The following ABI3BP variants were observed in gnomAD, a reference collection of about 807,000 sequenced individuals.
ABI3BP encodes the protein target of Nesh-SH3.
In ABI3BP, 216 loss-of-function variants were observed where a neutral mutation model predicts 268.6. That is an observed-to-expected ratio of 0.80 (90% CI 0.72 to 0.90). The LOEUF (loss-of-function observed/expected upper bound fraction) is 0.90. Ranked by LOEUF, ABI3BP falls within the 40% of genes least tolerant of loss-of-function variation. The pLI is 0.00. For missense variants in ABI3BP, 2,090 were observed against 2,182.4 expected, an observed-to-expected ratio of 0.96 and a Z score of 0.84; for synonymous variants, 730 against 730.0, an observed-to-expected ratio of 1.00 and a Z score of 0.00.
At chr3:100,875,694 C>T (rs2099155213) in intron 7 of ABI3BP, 115 bp from the exon 8 acceptor site, 5 of 726,106 alleles carry the variant, frequency 6.9e-6, no homozygotes, top group Non-Finnish European at 7.2e-6. Flanking sequence ...TTAATTAATA[C>T]AAAGCAACTC....
At chr3:100,935,769 G>A (rs906957267) in intron 1 of ABI3BP, among the ~76,000 whole-genome samples, 1 of 151,968 alleles carries the variant, frequency 6.6e-6, no homozygotes, top group Admixed American at 6.6e-5. Context: ...TCATGATTTG[G>A]CTCTCTGTTT....
chr3:100,778,243 C>G (rs373125873), intron 59 of ABI3BP, 41 bp downstream of exon 59: 1 of 1,597,330 alleles, frequency 6.3e-7, no homozygotes, highest in Non-Finnish European at 8.6e-7. Context: ...CTAGTAAAAC[C>G]GAAATCATGG....
chr3:100,833,272 C>A, intron 29 of ABI3BP, 115 bp from the exon 30 acceptor site: 3 of 920,362 alleles, frequency 3.3e-6, no homozygotes, highest in South Asian at 1.7e-5. Flanking sequence ...GGTTCTATAG[C>A]CACAAAGCAA....
At chr3:100,967,397 G>A (rs189871752) in intron 1 of ABI3BP, among the ~76,000 whole-genome samples, 85 of 151,774 alleles carry the variant, frequency 5.6e-4, no homozygotes, top group African/African-American at 1.9e-3. Context: ...CCAGCTACTC[G>A]GGAGGCTGAG....
At chr3:100,783,518 A>G (rs1314451838) in intron 57 of ABI3BP, among the ~76,000 whole-genome samples, 3 of 152,206 alleles carry the variant, frequency 2.0e-5, no homozygotes, top group Non-Finnish European at 2.9e-5. Flanking sequence ...AGTCAGAGAG[A>G]TTGTCTAGCA....
intron 4 of ABI3BP, among the ~76,000 whole-genome samples, chr3:100,896,885 T>C (rs921500475): frequency 6.6e-6 from 1 of 152,240 alleles, no homozygotes; most frequent in Admixed American, 6.5e-5. Flanking sequence ...AAATATCTTC[T>C]ACATGTTTTT....
Position 100,752,815 on chromosome 3 carries a change from G to A in ABI3BP, c.5094C>T (p.Tyr1698=). Residue 1698 remains tyrosine (Y), a synonymous_variant, in exon 66 of 68, where the codon TAC becomes TAT. Transcript: ENST00000471714. ...TGAGGGAGTCGCTCAAGTAAATCTT[G>A]TATCTGAGAGAGTTGCACAGCTGCA... ...VGVQLCNSLR[Y]KIYLSDSLTG... 3 of 1,613,116 alleles carry A rather than the reference G, an allele frequency of 1.9e-6. No homozygotes were observed. The highest frequency in any genetic ancestry group is 1.7e-6 in the Non-Finnish European group (2 of 1,179,566).
chr3:100,831,432 G>C lies in ABI3BP; in HGVS notation c.2402-798C>G, dbSNP rs562364981. Among the ~76,000 whole-genome samples the C allele has an allele frequency of 5.9e-5, 9 of 152,232 alleles. 1 individual carries two copies. In the South Asian group the frequency reaches 1.9e-3, roughly 32 times the overall value. On this transcript the variant is annotated intron_variant, in intron 31 of 67. Coordinates refer to ENST00000471714, the MANE Select transcript of ABI3BP (RefSeq NM_001375547.2). ...GAGACTACACTCATTAAGAGACTAA[G>C]TCTTTAGTAAATACAGCTTTACTTA...
intron 20 of ABI3BP, chr3:100,843,614 A>C (rs1018535021): frequency 1.8e-5 from 18 of 983,336 alleles, no homozygotes; most frequent in Non-Finnish European, 2.1e-5. Flanking sequence ...GAGAGAGGAG[A>C]GTATGCATGT....
At chr3:100,764,901 C>A (rs1284795208) in intron 63 of ABI3BP, among the ~76,000 whole-genome samples, 1 of 152,020 alleles carries the variant, frequency 6.6e-6, no homozygotes, top group African/African-American at 2.4e-5. Flanking sequence ...TAAAGAAAAA[C>A]CCCATGCTTG....
intron 1 of ABI3BP, among the ~76,000 whole-genome samples, chr3:100,951,736 A>T (rs1425774056): frequency 2.0e-5 from 3 of 151,904 alleles, no homozygotes; most frequent in African/African-American, 7.3e-5. Context: ...GATGCCTATG[A>T]CTTTGCTTCA....
Position 100,973,843 on chromosome 3 carries a change from T to A in ABI3BP, c.79+19463A>T, listed in dbSNP as rs776894212. Among the ~76,000 whole-genome samples, 19 of 152,338 alleles carry A rather than the reference T, an allele frequency of 1.2e-4. No homozygotes were observed. In the South Asian group the frequency reaches 3.5e-3, roughly 28 times the overall value. On this transcript the variant is annotated intron_variant, in intron 1 of 67. Transcript: ENST00000471714. Reference sequence around the variant, plus strand: ...GAACAGGAGACAAGACTAAACTTTTTTGAAAGTTCCCTCTGTGCCAGGCAA... The same window carrying A: ...GAACAGGAGACAAGACTAAACTTTTATGAAAGTTCCCTCTGTGCCAGGCAA...
At chr3:100,979,721 G>C (rs1250428804) in intron 1 of ABI3BP, among the ~76,000 whole-genome samples, 1 of 152,100 alleles carries the variant, frequency 6.6e-6, no homozygotes, top group Admixed American at 6.5e-5. Context: ...TAATTTTCCG[G>C]CATAAGTGAA....
At position 100,812,506 on chromosome 3, in the gene ABI3BP, A is replaced by G; in HGVS notation, c.3382T>C (p.Ser1128Pro). ...GGTGACTCAGTACTAAGTGTAACCG[A>G]TTCCAGAACATCAGAAACTAGTAAA... ...ESQPVSDVLE[S>P]VTLSTESPKE... Residue 1128 changes from serine to proline, a missense_variant, in exon 46 of 68, where the codon TCG becomes CCG. Transcript: ENST00000471714. 7.5e-6 allele frequency: 10 copies of G among 1,331,652 alleles called. No individual in the cohort carries two copies. Among genetic ancestry groups the G allele is most frequent in the Non-Finnish European group, 7.7e-6 (8 of 1,041,518 alleles). The allele number at this position is 1,331,652 out of a possible 1,614,324, so 82.5% of individuals were successfully genotyped here.
At chr3:100,753,981 T>C (rs772811475) in intron 64 of ABI3BP, 133 bp from the exon 65 acceptor site, 2 of 942,898 alleles carry the variant, frequency 2.1e-6, no homozygotes, top group Admixed American at 2.2e-5. Context: ...TTGCTAAGGA[T>C]TGAATTTGAA....
intron 67 of ABI3BP, among the ~76,000 whole-genome samples, chr3:100,750,879 A>G (rs1319005): frequency 6.6e-6 from 1 of 152,118 alleles, no homozygotes; most frequent in Admixed American, 6.5e-5. Context: ...TATGTGTTCA[A>G]AGAACTTAGT....
chr3:100,823,116 A>T (rs944773963), intron 37 of ABI3BP, among the ~76,000 whole-genome samples: 2 of 152,198 alleles, frequency 1.3e-5, no homozygotes, highest in Non-Finnish European at 2.9e-5. Flanking sequence ...AAAAATTCAG[A>T]TGTACAATGG....
At chr3:100,858,854 C>G (rs1005562285) in intron 14 of ABI3BP, among the ~76,000 whole-genome samples, 1 of 152,154 alleles carries the variant, frequency 6.6e-6, no homozygotes, top group East Asian at 1.9e-4. Context: ...GAACATCACC[C>G]AGAGCACAAA....
At chr3:100,890,702 A>T (rs1441085106) in intron 4 of ABI3BP, among the ~76,000 whole-genome samples, 1 of 152,102 alleles carries the variant, frequency 6.6e-6, no homozygotes, top group Non-Finnish European at 1.5e-5. Flanking sequence ...CCTCTTTATT[A>T]TAGTAAAACC....
Sources: gnomAD v4.1 joint callset for allele counts (sites outside exome capture counted in the v4.1 genomes callset) on GRCh38, gnomAD v4.1.1 for gene constraint, MANE v1.5 for transcripts, NCBI Gene and HGNC (gene_info 2026-07-23, HGNC 2026-07-21) for gene names.